GCSAML: variants seen among roughly 807,000 people sequenced by gnomAD.
GCSAML encodes germinal center associated signaling and motility like, also known as germinal center-associated signaling and motility-like protein.
In GCSAML, 9 loss-of-function variants were observed where a neutral mutation model predicts 13.0. That is an observed-to-expected ratio of 0.69 (90% CI 0.42 to 1.21). GCSAML has a LOEUF of 1.21. Ranked by LOEUF, GCSAML falls within the 50% of genes most tolerant of loss-of-function variation. GCSAML has a pLI of 0.00. For synonymous variants in GCSAML, 37 were observed against 52.9 expected (o/e 0.70, Z 1.31); for missense variants, 143 against 153.4 (o/e 0.93, Z 0.36).
intron 3 of GCSAML, among the ~76,000 whole-genome samples, chr1:247,564,669 A>G (rs986657749): frequency 3.9e-4 from 59 of 152,330 alleles, no homozygotes; most frequent in African/African-American, 1.3e-3. Context: ...CATAGCTACC[A>G]TCTTGTATGA....
At chr1:247,532,113 G>A (rs756437954) in intron 2 of GCSAML, 1 of 1,614,098 alleles carries the variant, frequency 6.2e-7, no homozygotes, top group South Asian at 1.1e-5. Context: ...TAATGACAGT[G>A]TAATGGAGTG....
intron 2 of GCSAML, among the ~76,000 whole-genome samples, chr1:247,534,301 C>G (rs1667129744): frequency 6.6e-6 from 1 of 152,138 alleles, no homozygotes; most frequent in African/African-American, 2.4e-5. Flanking sequence ...ACACAGTAGT[C>G]CCTTAATCAA....
At position 247,556,483 on chromosome 1, in the gene GCSAML, T is replaced by C. The variant is rs367895671; in HGVS notation, c.89+17T>C. 8 of 1,585,034 alleles carry C rather than the reference T, an allele frequency of 5.0e-6. No individual in the cohort carries two copies. The South Asian group carries it at 7.9e-5, about 16-fold the overall frequency. ...AAGAAAACGGTAAGAACAGAGCATC[T>C]CAGAGTTTTTTTGTTTTGTTTTGTT... On this transcript the variant is annotated intron_variant, in intron 2 of 4. Transcript: ENST00000366488.
Position 247,526,592 on chromosome 1 carries a change from C to T in GCSAML, c.-262-348C>T, listed in dbSNP as rs1666691796. 5.2e-6 allele frequency: 1 copy of T among 193,914 alleles called. No individual in the cohort carries two copies. Among genetic ancestry groups the T allele is most frequent in the African/African-American group, 2.4e-5 (1 of 42,218 alleles). The allele number at this position is 193,914 out of a possible 1,614,324, so 12.0% of individuals were successfully genotyped here. A position where few individuals can be genotyped will look rare whatever the true frequency, so the allele number is the denominator to read the frequency against. ...GTCAATGTGGCCTGGGTCCTTCACT[C>T]TCCACATTTCTCAGCTGTGCATGCT... On this transcript the variant is annotated intron_variant, in intron 1 of 5. Transcript: ENST00000366489. The surrounding 1 kb of genome is among the most constrained non-coding windows in gnomAD (Gnocchi z 4.8).
At chr1:247,567,255 A>G (rs1307253750) in intron 4 of GCSAML, among the ~76,000 whole-genome samples, 4 of 151,930 alleles carry the variant, frequency 2.6e-5, no homozygotes, top group Admixed American at 2.0e-4. Context: ...GCTTTGCTGA[A>G]CCTATCAGCC....
Position 247,527,128 on chromosome 1 carries a change from G to A in GCSAML, c.-148+74G>A. 2 of 452,308 alleles carry A rather than the reference G, an allele frequency of 4.4e-6. No homozygotes were observed. Among genetic ancestry groups the A allele is most frequent in the South Asian group, 3.1e-5 (2 of 63,678 alleles). 28.0% of individuals were successfully genotyped at this position (452,308 alleles called of 1,614,324 possible). ...CTTCATTTTCTGTTAAGCATTTAGGGAGCAGTTGGGTGAGCACATGACCAA... is the reference window on the plus strand; with the variant it reads ...CTTCATTTTCTGTTAAGCATTTAGGAAGCAGTTGGGTGAGCACATGACCAA... On this transcript the variant is annotated intron_variant, in intron 2 of 5. Transcript: ENST00000366489. The surrounding 1 kb of genome is among the most constrained non-coding windows in gnomAD (Gnocchi z 4.6).
At chr1:247,532,124 G>A in intron 2 of GCSAML, 3 of 1,614,062 alleles carry the variant, frequency 1.9e-6, no homozygotes, top group Non-Finnish European at 2.5e-6. Flanking sequence ...TAATGGAGTG[G>A]CCTGCAGATG....
At chr1:247,532,809 G>A (rs1326590604) in intron 2 of GCSAML, among the ~76,000 whole-genome samples, 1 of 151,826 alleles carries the variant, frequency 6.6e-6, no homozygotes, top group Non-Finnish European at 1.5e-5. Context: ...CCACTCAACA[G>A]CTACGTGGAT....
At chr1:247,543,379 T>C (rs1172368571) in intron 2 of GCSAML, among the ~76,000 whole-genome samples, 3 of 152,200 alleles carry the variant, frequency 2.0e-5, no homozygotes, top group African/African-American at 7.2e-5. Flanking sequence ...GTTATAATTG[T>C]TCTATTTTTT....
intron 2 of GCSAML, chr1:247,531,869 T>G (rs769749914): frequency 6.2e-7 from 1 of 1,614,200 alleles, no homozygotes; most frequent in East Asian, 2.2e-5. Flanking sequence ...GAGACCAGGA[T>G]GAGCCCCAGA....
chr1:247,531,664 G>C, intron 2 of GCSAML: 1 of 1,614,200 alleles, frequency 6.2e-7, no homozygotes, highest in Non-Finnish European at 8.5e-7. Context: ...CAGCGCAGGA[G>C]TGACTACGGT....
intron 1 of GCSAML, among the ~76,000 whole-genome samples, chr1:247,554,307 G>T (rs994602837): frequency 1.3e-5 from 2 of 151,954 alleles, no homozygotes; most frequent in Admixed American, 6.6e-5. Context: ...CATCATGCCT[G>T]TTTTATGTCT....
Position 247,571,368 on chromosome 1 carries a change from T to C in GCSAML, c.169-2775T>C, listed in dbSNP as rs7545991. On this transcript the variant is annotated intron_variant, in intron 4 of 4. Transcript: ENST00000366488. ...TTTCCTTTGTATATTTAGTGCTTCC[T>C]TCAGGAGTTCTTGTAAGGCAGGCCT... is the stretch of plus-strand genomic sequence containing the variant. Among the ~76,000 whole-genome samples the C allele has an allele frequency of 4.8e-3, 737 of 152,342 alleles. 9 individuals carry two copies. Among genetic ancestry groups the C allele is most frequent in the African/African-American group, 0.016 (661 of 41,582 alleles).
intron 2 of GCSAML, among the ~76,000 whole-genome samples, chr1:247,537,259 G>A (rs1572328873): frequency 6.6e-6 from 1 of 152,054 alleles, no homozygotes; most frequent in East Asian, 1.9e-4. Context: ...CATTTAACAT[G>A]ATATTTTCAA....
At chr1:247,559,227 G>C (rs1668044982) in intron 2 of GCSAML, among the ~76,000 whole-genome samples, 1 of 152,152 alleles carries the variant, frequency 6.6e-6, no homozygotes, top group Admixed American at 6.5e-5. Flanking sequence ...TTGTCTGCTA[G>C]AGAAACATTA....
At chr1:247,507,585 A>C (rs151061482) in intron 1 of GCSAML, among the ~76,000 whole-genome samples, 3,693 of 152,174 alleles carry the variant, frequency 0.024, 147 homozygotes, top group African/African-American at 0.084. Flanking sequence ...AGGTTTGTTA[A>C]GCATGTATAC....
At position 247,527,086 on chromosome 1, in the gene GCSAML, G is replaced by T; in HGVS notation, c.-148+32G>T. 2.2e-6 allele frequency: 1 copy of T among 456,392 alleles called. No individual in the cohort carries two copies. Among genetic ancestry groups the T allele is most frequent in the South Asian group, 1.6e-5 (1 of 64,470 alleles). 28.3% of individuals were successfully genotyped at this position (456,392 alleles called of 1,614,324 possible). ...ATCACATTTCAAGTGTATTTCCTTGGGTTCTGGAGAGGATGTCTTCATTTT... is the reference window on the plus strand; with the variant it reads ...ATCACATTTCAAGTGTATTTCCTTGTGTTCTGGAGAGGATGTCTTCATTTT... On this transcript the variant is annotated intron_variant, in intron 2 of 5. Coordinates refer to the GCSAML transcript ENST00000366489. This position sits in a 1 kb window ranked among gnomAD's most constrained non-coding sequence, Gnocchi z 4.6.
chr1:247,540,990 A>G (rs1667393780), intron 2 of GCSAML, among the ~76,000 whole-genome samples: 1 of 152,224 alleles, frequency 6.6e-6, no homozygotes, highest in Non-Finnish European at 1.5e-5. Flanking sequence ...CTGAGTATTA[A>G]AAATAAAAGA....
chr1:247,511,493 T>C (rs12121802), intron 1 of GCSAML, among the ~76,000 whole-genome samples: 2,832 of 152,302 alleles, frequency 0.019, 62 homozygotes, highest in Non-Finnish European at 0.023. Flanking sequence ...TGTCTTTTAA[T>C]TGGGGCACTC....
Sources: gnomAD v4.1 joint callset for allele counts (sites outside exome capture counted in the v4.1 genomes callset) on GRCh38, gnomAD v4.1.1 for gene constraint, Gnocchi (gnomAD v3.1) non-coding constraint, MANE v1.5 for transcripts, NCBI Gene and HGNC (gene_info 2026-07-23, HGNC 2026-07-21) for gene names.